CEP128: variants seen among roughly 807,000 people sequenced by gnomAD.
CEP128 encodes centrosomal protein 128kDa.
In CEP128, 132 loss-of-function variants were observed where a neutral mutation model predicts 156.7. That is an observed-to-expected ratio of 0.84 (90% CI 0.73 to 0.97). The LOEUF is 0.97. Ranked by LOEUF, CEP128 falls within the 50% of genes least tolerant of loss-of-function variation. CEP128 has a pLI of 0.00. For synonymous variants in CEP128, 469 were observed against 448.9 expected, an observed-to-expected ratio of 1.04 and a Z score of -0.57; for missense variants, 1,252 against 1,281.9, an observed-to-expected ratio of 0.98 and a Z score of 0.36.
chr14:80,762,226 A>G (rs1270552013), intron 16 of CEP128, among the ~76,000 whole-genome samples: 1 of 152,128 alleles, frequency 6.6e-6, no homozygotes, highest in Non-Finnish European at 1.5e-5. Flanking sequence ...AGAGATTACA[A>G]GGACTTGGGG....
chr14:80,646,053 G>A (rs1250024955), intron 19 of CEP128, among the ~76,000 whole-genome samples: 1 of 152,158 alleles, frequency 6.6e-6, no homozygotes, highest in Non-Finnish European at 1.5e-5. Flanking sequence ...TAGTGGGGAA[G>A]GAGGGATAAA....
intron 16 of CEP128, among the ~76,000 whole-genome samples, chr14:80,772,525 T>A (rs921766265): frequency 6.6e-6 from 1 of 152,150 alleles, no homozygotes; most frequent in African/African-American, 2.4e-5. Flanking sequence ...TCTTCCTGGA[T>A]GCCGGACAGG....
intron 13 of CEP128, among the ~76,000 whole-genome samples, chr14:80,805,937 C>A (rs549287722): frequency 6.6e-6 from 1 of 152,222 alleles, no homozygotes; most frequent in East Asian, 1.9e-4. Context: ...CAATTCTTTT[C>A]AACTCAAGCA....
At chr14:80,601,477 A>G (rs1202132258) in intron 19 of CEP128, among the ~76,000 whole-genome samples, 1 of 152,188 alleles carries the variant, frequency 6.6e-6, no homozygotes, top group African/African-American at 2.4e-5. Context: ...ATGTTTTAAG[A>G]AAGTTTACAA....
rs1490205518 is a variant in CEP128, at chr14:80,714,452, A to G, written c.2806+28623T>C. On this transcript the variant is annotated intron_variant, in intron 19 of 24. Transcript: ENST00000555265. The stretch of plus-strand genomic sequence containing the variant: ...AAGGCCATTATGTACATAGAGCAGA[A>G]AGGTGTGTTTTTGTGTATATGTGAA... Among the ~76,000 whole-genome samples, 4 of 152,210 alleles carry G rather than the reference A, an allele frequency of 2.6e-5. No individual in the cohort carries two copies. In the East Asian group the frequency reaches 7.7e-4, roughly 29 times the overall value.
chr14:80,481,826 C>A (rs902319111), intron 14 of CEP128, among the ~76,000 whole-genome samples: 5 of 152,320 alleles, frequency 3.3e-5, no homozygotes, highest in Non-Finnish European at 7.4e-5. Context: ...CCTAGTTCAC[C>A]TTAAATAGCC....
In CEP128 at chr14:80,604,622, C is replaced by T. The variant is rs151081808; in HGVS notation, c.2807-24199G>A. 4.5e-3 allele frequency among the ~76,000 whole-genome samples: 684 copies of T among 152,250 alleles called. 1 individual carries two copies. The highest frequency in any genetic ancestry group is 0.014 in the Middle Eastern group (4 of 294). The stretch of plus-strand genomic sequence containing the variant: ...CGTATCCTCGGTTAGCTTTTACAAA[C>T]CATCCCGTGCCCAAACACCACTCAT... On this transcript the variant is annotated intron_variant, in intron 19 of 24. Coordinates refer to ENST00000555265, the MANE Select transcript of CEP128 (RefSeq NM_152446.5).
At chr14:80,515,474 C>T (rs1364365403) in intron 23 of CEP128, among the ~76,000 whole-genome samples, 2 of 152,198 alleles carry the variant, frequency 1.3e-5, no homozygotes, top group East Asian at 1.9e-4. Context: ...TCTGTGACCA[C>T]CATAGCCCCA....
chr14:80,787,552 T>C (rs892728396), intron 14 of CEP128, among the ~76,000 whole-genome samples: 7 of 152,170 alleles, frequency 4.6e-5, no homozygotes, highest in African/African-American at 1.2e-4. Flanking sequence ...ATCATATTCA[T>C]TGGTTCCAGA....
At chr14:80,668,406 T>C (rs990301323) in intron 19 of CEP128, among the ~76,000 whole-genome samples, 4 of 151,956 alleles carry the variant, frequency 2.6e-5, no homozygotes, top group African/African-American at 4.8e-5. Context: ...TAGAAAACTA[T>C]TGAAATAAAA....
At chr14:80,719,304 T>C (rs1897726279) in intron 19 of CEP128, among the ~76,000 whole-genome samples, 1 of 152,188 alleles carries the variant, frequency 6.6e-6, no homozygotes, top group South Asian at 2.1e-4. Context: ...TTTGGACTCA[T>C]GGTGCAATGC....
intron 8 of CEP128, among the ~76,000 whole-genome samples, chr14:80,874,847 T>TAGGA (rs1396363861): frequency 2.6e-5 from 4 of 152,146 alleles, no homozygotes; most frequent in Non-Finnish European, 5.9e-5. Context: ...CTCGATCTCC[T>TAGGA]GACCTCGTGA....
chr14:80,480,548 C>A (rs1364704432), intron 14 of CEP128, among the ~76,000 whole-genome samples: 1 of 152,120 alleles, frequency 6.6e-6, no homozygotes, highest in African/African-American at 2.4e-5. Flanking sequence ...ATATTTTCCT[C>A]CTGGGCCTGC....
At chr14:80,512,351 T>C (rs567199759) in intron 23 of CEP128, among the ~76,000 whole-genome samples, 4 of 152,178 alleles carry the variant, frequency 2.6e-5, no homozygotes, top group Non-Finnish European at 4.4e-5. Context: ...ACCTTGTCTT[T>C]TATAGATTTT....
chr14:80,884,867 G>A (rs372782359), intron 8 of CEP128, among the ~76,000 whole-genome samples: 3 of 152,224 alleles, frequency 2.0e-5, no homozygotes, highest in East Asian at 1.9e-4. Flanking sequence ...CTCACTCAGC[G>A]GGTCCCACTC....
At chr14:80,686,411 G>C (rs1053277958) in intron 19 of CEP128, among the ~76,000 whole-genome samples, 2 of 152,134 alleles carry the variant, frequency 1.3e-5, no homozygotes, top group African/African-American at 4.8e-5. Flanking sequence ...TGCCTTGCAA[G>C]AGCTCCTGAA....
chr14:80,923,682 C>T (rs1374085565), intron 2 of CEP128, among the ~76,000 whole-genome samples: 4 of 152,114 alleles, frequency 2.6e-5, no homozygotes, highest in African/African-American at 9.7e-5. Flanking sequence ...TGTGTTGATA[C>T]TTAGGGGGGT....
At chr14:80,520,461 C>T (rs964095789) in intron 23 of CEP128, among the ~76,000 whole-genome samples, 5 of 151,338 alleles carry the variant, frequency 3.3e-5, no homozygotes, top group African/African-American at 4.8e-5. Flanking sequence ...CATTCATTTA[C>T]CCTATTAACA....
intron 13 of CEP128, among the ~76,000 whole-genome samples, chr14:80,795,944 A>C (rs564754703): frequency 4.6e-4 from 70 of 152,326 alleles, no homozygotes; most frequent in African/African-American, 1.6e-3. Flanking sequence ...AAAAACTAAC[A>C]GTAAAGATTT....
Sources: allele counts gnomAD v4.1 joint callset (sites outside exome capture counted in the v4.1 genomes callset), GRCh38; gene constraint gnomAD v4.1.1; transcripts MANE v1.5; gene names NCBI Gene and HGNC (gene_info 2026-07-23, HGNC 2026-07-21).